Variants in SLAMF1 observed in about 807,000 individuals in gnomAD.
SLAMF1 encodes the protein signaling lymphocytic activation molecule.
A neutral mutation model predicts 35.1 loss-of-function variants in SLAMF1; 18 were observed. The observed-to-expected ratio is 0.51, with a 90% confidence interval of 0.35 to 0.76. SLAMF1 has a LOEUF of 0.76. Ranked by LOEUF, SLAMF1 falls within the 30% of genes least tolerant of loss-of-function variation. The probability of loss-of-function intolerance (pLI) is 0.01; values close to 1 mark genes in which losing one functional copy is unlikely to be tolerated. For missense variants in SLAMF1, 392 were observed against 413.0 expected, an observed-to-expected ratio of 0.95 and a Z score of 0.44; for synonymous variants, 168 against 157.2, an observed-to-expected ratio of 1.07 and a Z score of -0.51.
intron 1 of SLAMF1, among the ~76,000 whole-genome samples, chr1:160,644,167 A>T (rs534602562): frequency 6.6e-6 from 1 of 152,260 alleles, no homozygotes; most frequent in Admixed American, 6.5e-5. Flanking sequence ...AATTTATTCC[A>T]ATTCAATTCA....
rs935965781 is a variant in SLAMF1, at chr1:160,610,652, T to A, written c.*96A>T. ...CTGAGAAGGGTACAGACGTGCAGCA[T>A]GTCTGCCAGAGGAAACTTGGGGCCT... On this transcript the variant is annotated 3_prime_UTR_variant, in exon 7 of 7. Transcript: ENST00000302035. 8.0e-5 allele frequency: 66 copies of A among 820,902 alleles called. No individual in the cohort carries two copies. The highest frequency in any genetic ancestry group is 1.4e-4 in the Non-Finnish European group (63 of 464,944). 50.9% of individuals were successfully genotyped at this position (820,902 alleles called of 1,614,324 possible).
chr1:160,608,698 C>A lies in SLAMF1; in HGVS notation c.*2050G>T, dbSNP rs1425953856. ...ACTGGAAAAATCCAAGTGCTGGGAA[C>A]TGAGCTTCTAGAGCAATCTGAGTTG... On this transcript the variant is annotated 3_prime_UTR_variant, in exon 7 of 7. Transcript: ENST00000302035. 6.6e-6 allele frequency: 1 copy of A among 152,134 alleles called. No homozygotes were observed. Among genetic ancestry groups the A allele is most frequent in the Non-Finnish European group, 1.5e-5 (1 of 68,060 alleles). 9.4% of individuals were successfully genotyped at this position (152,134 alleles called of 1,614,324 possible).
intron 2 of SLAMF1, 110 bp downstream of exon 2, chr1:160,637,081 T>C: frequency 1.4e-6 from 1 of 702,820 alleles, no homozygotes; most frequent in Admixed American, 2.6e-5. Flanking sequence ...AGAAGATCAT[T>C]CTAGTTACTT....
At chr1:160,616,832 GAC>G (rs1558003069) in intron 5 of SLAMF1, among the ~76,000 whole-genome samples, 183 of 152,320 alleles carry the variant, frequency 1.2e-3, no homozygotes, top group African/African-American at 4.3e-3. Context: ...ACTAAAATTA[GAC>G]TGTTAATACC....
At chr1:160,636,351 T>C (rs1036054711) in intron 2 of SLAMF1, among the ~76,000 whole-genome samples, 1 of 152,126 alleles carries the variant, frequency 6.6e-6, no homozygotes, top group African/African-American at 2.4e-5. Flanking sequence ...CTCTAGATAT[T>C]TGAGAATTTC....
chr1:160,611,371 T>C (rs1658977018), intron 6 of SLAMF1, among the ~76,000 whole-genome samples: 1 of 152,254 alleles, frequency 6.6e-6, no homozygotes, highest in South Asian at 2.1e-4. Context: ...TCTATGTATT[T>C]TTTTGAAGCT....
At position 160,646,885 on chromosome 1, in the gene SLAMF1, C is replaced by T; in HGVS notation, c.61G>A (p.Ala21Thr). Reference protein sequence around the residue: ...FVLFLSLAFGASYGTGGRMMN... With the variant: ...FVLFLSLAFGTSYGTGGRMMN... ...GAACACTCACCTGTTCCGTAGCTTGCCCCAAAAGCCAGGGAGAGAAACAGC... is the reference window on the plus strand; with the variant it reads ...GAACACTCACCTGTTCCGTAGCTTGTCCCAAAAGCCAGGGAGAGAAACAGC... The change falls in exon 1 of 7, where the codon GCA becomes ACA. Residue 21 changes from alanine to threonine, a missense_variant. Coordinates refer to ENST00000302035, the MANE Select transcript of SLAMF1 (RefSeq NM_003037.5). 1 of 1,601,298 alleles carries T rather than the reference C, an allele frequency of 6.2e-7. No individual in the cohort carries two copies. Among genetic ancestry groups the T allele is most frequent in the Non-Finnish European group, 8.6e-7 (1 of 1,168,956 alleles).
rs1661069114 is a variant in SLAMF1, at chr1:160,646,907, C to T, written c.39G>A (p.Leu13=). 1.9e-6 allele frequency: 3 copies of T among 1,609,238 alleles called. No individual in the cohort carries two copies. Among genetic ancestry groups the T allele is most frequent in the East Asian group, 2.2e-5 (1 of 44,836 alleles). ...PKGLLSLTFV[L]FLSLAFGASY... is the part of the protein sequence containing the mutation. ...TTGCCCCAAAAGCCAGGGAGAGAAA[C>T]AGCACGAAGGTCAAGGAGAGGAGCC... The change falls in exon 1 of 7, where the codon CTG becomes CTA. Residue 13 remains leucine (L), a synonymous_variant. Coordinates refer to ENST00000302035, the MANE Select transcript of SLAMF1 (RefSeq NM_003037.5).
intron 6 of SLAMF1, among the ~76,000 whole-genome samples, chr1:160,611,667 G>C (rs1008976629): frequency 6.6e-6 from 1 of 152,176 alleles, no homozygotes; most frequent in Admixed American, 6.5e-5. Context: ...ATTCCTGTCC[G>C]AAGTAAACTT....
Position 160,621,855 on chromosome 1 carries a change from CGTGTGT to C in SLAMF1, c.791-2012_791-2007del, listed in dbSNP as rs59676823. Among the ~76,000 whole-genome samples, 351 of 145,294 alleles carry C rather than the reference CGTGTGT, an allele frequency of 2.4e-3. 2 individuals are homozygous for C. Among genetic ancestry groups the C allele is most frequent in the African/African-American group, 6.3e-3 (241 of 38,498 alleles). Reference sequence around the variant, plus strand: ...CCTGACTGAGGAGTGTGCGTGAGTGCGTGTGTGTGTGTGTGTGTGTGTGTGTGTGTG... The same window carrying C: ...CCTGACTGAGGAGTGTGCGTGAGTGCGTGTGTGTGTGTGTGTGTGTGTGTG... On this transcript the variant is annotated intron_variant, in intron 4 of 6. Transcript: ENST00000302035.
At chr1:160,620,204 T>C (rs548988681) in intron 4 of SLAMF1, among the ~76,000 whole-genome samples, 1 of 152,352 alleles carries the variant, frequency 6.6e-6, no homozygotes, top group East Asian at 1.9e-4. Flanking sequence ...TTAATCTCTG[T>C]TGCTCAATGT....
At position 160,642,155 on chromosome 1, in the gene SLAMF1, C is replaced by T. The variant is rs1281854630; in HGVS notation, c.77-4626G>A. 1.3e-5 allele frequency among the ~76,000 whole-genome samples: 2 copies of T among 152,124 alleles called. No individual in the cohort carries two copies. The highest frequency in any genetic ancestry group is 2.4e-5 in the African/African-American group (1 of 41,398). ...CCACAGTTCTTTTGGTAAATTTAGGCTCAGAAAGAAAAGACATCTTGTCTG... is the reference window on the plus strand; with the variant it reads ...CCACAGTTCTTTTGGTAAATTTAGGTTCAGAAAGAAAAGACATCTTGTCTG... On this transcript the variant is annotated intron_variant, in intron 1 of 6. Transcript: ENST00000302035. This position sits in a 1 kb window ranked among gnomAD's most constrained non-coding sequence, Gnocchi z 4.2.
intron 1 of SLAMF1, 71 bp from the exon 2 acceptor site, chr1:160,637,600 AAGGACAGACTGG>A: frequency 8.9e-7 from 1 of 1,122,774 alleles, no homozygotes. Flanking sequence ...GCAGATCAGG[AAGGACAGACTGG>A]AGGCTCTCCC....
chr1:160,617,331 A>C (rs164275), intron 5 of SLAMF1, among the ~76,000 whole-genome samples: 52,909 of 151,942 alleles, frequency 0.35, 11,114 homozygotes, highest in African/African-American at 0.59. Flanking sequence ...GTATATACCC[A>C]AAAAAATATG....
chr1:160,646,179 C>A (rs566951979), intron 1 of SLAMF1, among the ~76,000 whole-genome samples: 1 of 152,334 alleles, frequency 6.6e-6, no homozygotes, highest in South Asian at 2.1e-4. Context: ...TAGCTCTTGT[C>A]TGGCCTTCCT....
At chr1:160,645,972 A>G (rs888810342) in intron 1 of SLAMF1, among the ~76,000 whole-genome samples, 1 of 151,776 alleles carries the variant, frequency 6.6e-6, no homozygotes, top group African/African-American at 2.4e-5. Flanking sequence ...ACTCCAGGCT[A>G]CCTCCCACAG....
At chr1:160,645,287 T>A (rs1019967293) in intron 1 of SLAMF1, among the ~76,000 whole-genome samples, 2 of 152,162 alleles carry the variant, frequency 1.3e-5, no homozygotes, top group African/African-American at 4.8e-5. Flanking sequence ...TGCAAAGCAT[T>A]TCTGTCTGGG....
intron 3 of SLAMF1, among the ~76,000 whole-genome samples, chr1:160,631,764 C>T (rs140671224): frequency 4.0e-4 from 61 of 152,236 alleles, no homozygotes; most frequent in African/African-American, 1.4e-3. Flanking sequence ...AGGCGAGAGG[C>T]CTCAGAAGAC....
rs766075769 is a variant in SLAMF1 at position 160,634,718 on chromosome 1, C to G, written c.595G>C (p.Gly199Arg). 1.6e-5 allele frequency: 26 copies of G among 1,613,894 alleles called. No individual in the cohort carries two copies. The highest frequency in any genetic ancestry group is 8.9e-5 in the East Asian group (4 of 44,886). ...NSSHLLSLTLGPQHADNIYIC... is the reference protein window; with the variant it reads ...NSSHLLSLTLRPQHADNIYIC... ...TAGATATTGTCAGCATGCTGGGGGCCGAGGGTGAGGGACAGGAGGTGGGAG... is the reference window on the plus strand; with the variant it reads ...TAGATATTGTCAGCATGCTGGGGGCGGAGGGTGAGGGACAGGAGGTGGGAG... Residue 199 changes from glycine (G) to arginine (R), a missense_variant, in exon 3 of 7, where the codon GGC (glycine) becomes CGC (arginine). Physicochemically the swap from Gly to Arg is moderately radical, Grantham distance 125 (BLOSUM62 -2). Transcript: ENST00000302035.
Sources: allele counts gnomAD v4.1 joint callset (sites outside exome capture counted in the v4.1 genomes callset), GRCh38; gene constraint gnomAD v4.1.1; non-coding constraint Gnocchi (gnomAD v3.1); transcripts MANE v1.5; gene names NCBI Gene and HGNC (gene_info 2026-07-23, HGNC 2026-07-21).